COL25A1: variants seen among roughly 807,000 people sequenced by gnomAD.
COL25A1 encodes the protein collagen type XXV alpha 1 chain, also known as collagen alpha-1(XXV) chain.
In COL25A1, 103 loss-of-function variants were observed where a neutral mutation model predicts 128.4. That is an observed-to-expected ratio of 0.80 (90% confidence interval 0.68 to 0.94). The LOEUF (loss-of-function observed/expected upper bound fraction) is 0.94, where lower values mean the gene tolerates loss of function less well. Among genes scored for constraint, COL25A1 ranks in the 40% least tolerant of loss-of-function variants. The pLI, the probability that COL25A1 is intolerant of heterozygous loss-of-function variation, is 0.00. For missense variants in COL25A1, 745 were observed against 840.0 expected, an observed-to-expected ratio of 0.89 and a Z score of 1.40; for synonymous variants, 279 against 277.2, an observed-to-expected ratio of 1.01 and a Z score of -0.06.
intron 3 of COL25A1, among the ~76,000 whole-genome samples, chr4:109,270,075 T>C (rs1014855722): frequency 2.0e-5 from 3 of 152,130 alleles, no homozygotes; most frequent in Non-Finnish European, 2.9e-5. Context: ...TATTTCAAAA[T>C]AATAAGAGCT....
At chr4:109,290,228 A>T (rs892730181) in intron 3 of COL25A1, among the ~76,000 whole-genome samples, 4 of 152,130 alleles carry the variant, frequency 2.6e-5, no homozygotes, top group African/African-American at 9.7e-5. Flanking sequence ...TTCTCCATTC[A>T]AGGGCATTTT....
rs1198666069 is a variant in COL25A1, at chr4:108,810,822, T to C, written c.*3105A>G. 6.6e-6 allele frequency: 1 copy of C among 151,864 alleles called. No homozygotes were observed. Among genetic ancestry groups the C allele is most frequent in the Non-Finnish European group, 1.5e-5 (1 of 67,848 alleles). 9.4% of individuals were successfully genotyped at this position (151,864 alleles called of 1,614,324 possible). ...ATAGCAAATTCATGAACTTTAAAAA[T>C]AAAATAACACACTAATGATTTAGGA... On this transcript the variant is annotated 3_prime_UTR_variant, in exon 38 of 38. Coordinates refer to ENST00000399132, the MANE Select transcript of COL25A1 (RefSeq NM_198721.4).
At chr4:109,253,348 C>T (rs1044249810) in intron 3 of COL25A1, among the ~76,000 whole-genome samples, 2 of 152,106 alleles carry the variant, frequency 1.3e-5, no homozygotes, top group East Asian at 3.9e-4. Context: ...GGCCTGAGAA[C>T]CAGGAAAGCC....
intron 5 of COL25A1, among the ~76,000 whole-genome samples, chr4:109,045,426 A>G (rs1449098206): frequency 6.6e-6 from 1 of 152,194 alleles, no homozygotes; most frequent in Non-Finnish European, 1.5e-5. Flanking sequence ...GCCTCTAAAT[A>G]AACATACTGA....
At chr4:109,031,384 A>G (rs187893526) in intron 5 of COL25A1, among the ~76,000 whole-genome samples, 196 of 151,760 alleles carry the variant, frequency 1.3e-3, no homozygotes, top group Non-Finnish European at 5.0e-4. Flanking sequence ...CCAAAGTGCT[A>G]GGATTACAGG....
intron 3 of COL25A1, among the ~76,000 whole-genome samples, chr4:109,272,476 G>C (rs1014771461): frequency 4.6e-5 from 7 of 152,118 alleles, no homozygotes; most frequent in Admixed American, 1.3e-4. Flanking sequence ...ATAGAACAGA[G>C]GGAATTATGA....
intron 17 of COL25A1, among the ~76,000 whole-genome samples, 174 bp downstream of exon 17, chr4:108,889,527 C>T (rs1161490218): frequency 1.3e-5 from 2 of 150,538 alleles, no homozygotes; most frequent in African/African-American, 4.9e-5. Flanking sequence ...CTTATTTAAA[C>T]CTTCATCACA....
At chr4:108,877,293 G>C (rs368323326) in intron 19 of COL25A1, among the ~76,000 whole-genome samples, 1 of 152,156 alleles carries the variant, frequency 6.6e-6, no homozygotes, top group African/African-American at 2.4e-5. Flanking sequence ...CAATCTTGTA[G>C]TATAAGCTCA....
chr4:109,172,195 T>C (rs1195015577), intron 3 of COL25A1, among the ~76,000 whole-genome samples: 1 of 152,076 alleles, frequency 6.6e-6, no homozygotes, highest in Non-Finnish European at 1.5e-5. Flanking sequence ...AAAATATGTG[T>C]TGCACCAGGC....
intron 3 of COL25A1, among the ~76,000 whole-genome samples, chr4:109,207,240 T>C (rs1446883261): frequency 2.0e-5 from 3 of 152,154 alleles, no homozygotes; most frequent in Non-Finnish European, 4.4e-5. Flanking sequence ...GTGTGCCAGC[T>C]GCCTCTGTAC....
At chr4:108,884,961 GATA>G (rs1455969328) in intron 18 of COL25A1, among the ~76,000 whole-genome samples, 1 of 150,786 alleles carries the variant, frequency 6.6e-6, no homozygotes, top group African/African-American at 2.4e-5. Context: ...CCCAAAGAAT[GATA>G]ATAAGAGGTT....
At chr4:108,940,467 A>C (rs1357257464) in intron 10 of COL25A1, 72 bp downstream of exon 10, 1 of 1,273,522 alleles carries the variant, frequency 7.9e-7, no homozygotes, top group African/African-American at 1.5e-5. Context: ...TCACCACCCT[A>C]CTCCACCCTA....
intron 3 of COL25A1, among the ~76,000 whole-genome samples, chr4:109,084,023 C>T (rs1178124192): frequency 6.6e-6 from 1 of 152,010 alleles, no homozygotes; most frequent in East Asian, 1.9e-4. Flanking sequence ...AAGGAATAAT[C>T]CACTACACAA....
chr4:109,297,251 C>T (rs1261152146), intron 3 of COL25A1, among the ~76,000 whole-genome samples: 1 of 152,030 alleles, frequency 6.6e-6, no homozygotes, highest in Non-Finnish European at 1.5e-5. Flanking sequence ...GTGGTGATGG[C>T]TGCCCAACTC....
intron 3 of COL25A1, among the ~76,000 whole-genome samples, chr4:109,186,361 A>AT (rs1186167337): frequency 6.6e-6 from 1 of 152,122 alleles, no homozygotes; most frequent in Non-Finnish European, 1.5e-5. Context: ...TTTCTCAGAT[A>AT]TTTGTATTCT....
At position 109,048,140 on chromosome 4, in the gene COL25A1, C is replaced by G. The variant is rs781453545; in HGVS notation, c.420+28G>C. ...CATACACAATCCTGATAAATGCAAA[C>G]AAGCCAAAGTGCAGCAAACATACTT... On this transcript the variant is annotated intron_variant, in intron 5 of 37. Coordinates refer to ENST00000399132, the MANE Select transcript of COL25A1 (RefSeq NM_198721.4). The G allele has an allele frequency of 4.3e-6, 7 of 1,610,496 alleles. No homozygotes were observed. In the Admixed American group the frequency reaches 1.2e-4, roughly 27 times the overall value.
chr4:108,825,170 T>C, intron 34 of COL25A1, 26 bp downstream of exon 34: 1 of 1,576,254 alleles, frequency 6.3e-7, no homozygotes, highest in Non-Finnish European at 8.7e-7. Context: ...TATAATAGGA[T>C]GATGTTTATT....
At chr4:109,008,014 T>C (rs1756201680) in intron 6 of COL25A1, among the ~76,000 whole-genome samples, 1 of 152,232 alleles carries the variant, frequency 6.6e-6, no homozygotes. Context: ...GCTGCCTTTA[T>C]ATTTAATTTC....
chr4:108,829,777 C>G (rs1254568184), intron 32 of COL25A1, among the ~76,000 whole-genome samples: 1 of 152,224 alleles, frequency 6.6e-6, no homozygotes, highest in East Asian at 1.9e-4. Flanking sequence ...TTCCATTTCT[C>G]TTGCCAGTGA....
Sources: gnomAD v4.1 joint callset for allele counts (sites outside exome capture counted in the v4.1 genomes callset) on GRCh38, gnomAD v4.1.1 for gene constraint, MANE v1.5 for transcripts, NCBI Gene and HGNC (gene_info 2026-07-23, HGNC 2026-07-21) for gene names.